The following PKIG variants were observed in gnomAD, a reference collection of about 807,000 sequenced individuals.
PKIG encodes the protein cAMP-dependent protein kinase inhibitor gamma.
PKIG carries 1 observed loss-of-function variant against 6.8 expected under a neutral mutation model. The observed-to-expected ratio is 0.15, with a 90% CI of 0.05 to 0.69. PKIG has a LOEUF of 0.69. Among genes scored for constraint, PKIG ranks in the 30% least tolerant of loss-of-function variants. PKIG has a pLI of 0.82. For synonymous variants in PKIG, 39 were observed against 43.0 expected, an observed-to-expected ratio of 0.91 and a Z score of 0.36; for missense variants, 77 against 104.0, an observed-to-expected ratio of 0.74 and a Z score of 1.13.
At chr20:44,584,772 T>C (rs918924346) in intron 1 of PKIG, among the ~76,000 whole-genome samples, 135 of 150,002 alleles carry the variant, frequency 9.0e-4, no homozygotes, top group African/African-American at 3.2e-3. Flanking sequence ...CAGGCTGGAG[T>C]GCAATGGTGC....
At chr20:44,535,173 A>G (rs1393151775) in intron 1 of PKIG, among the ~76,000 whole-genome samples, 1 of 152,234 alleles carries the variant, frequency 6.6e-6, no homozygotes, top group East Asian at 1.9e-4. Context: ...TACCCAGCTT[A>G]GCCACACAGA....
chr20:44,533,115 T>C (rs1030176678), intron 1 of PKIG, among the ~76,000 whole-genome samples: 1 of 152,202 alleles, frequency 6.6e-6, no homozygotes, highest in Non-Finnish European at 1.5e-5. Context: ...CTTGGTCTTA[T>C]CATTCCTCCC....
At chr20:44,609,931 T>C (rs933223807) in intron 2 of PKIG, among the ~76,000 whole-genome samples, 1 of 152,218 alleles carries the variant, frequency 6.6e-6, no homozygotes, top group Admixed American at 6.5e-5. Context: ...TACCTTTCCT[T>C]ATCGTAGGAA....
chr20:44,540,796 GA>G (rs2064554749), intron 1 of PKIG, among the ~76,000 whole-genome samples: 1 of 152,050 alleles, frequency 6.6e-6, no homozygotes, highest in African/African-American at 2.4e-5. Flanking sequence ...TGGCCAGGCT[GA>G]TCTTGAACTC....
chr20:44,551,989 A>G (rs2064673018), intron 1 of PKIG, among the ~76,000 whole-genome samples: 1 of 152,214 alleles, frequency 6.6e-6, no homozygotes. Flanking sequence ...CGGCTAGGAA[A>G]TATTCGTAAT....
chr20:44,543,070 C>G (rs1448696159), intron 1 of PKIG, among the ~76,000 whole-genome samples: 1 of 152,166 alleles, frequency 6.6e-6, no homozygotes, highest in Non-Finnish European at 1.5e-5. Context: ...GCCCTAGAGT[C>G]CTTTGGACAT....
chr20:44,614,462 G>A lies in PKIG; in HGVS notation c.-23-72G>A. The A allele has an allele frequency of 9.1e-7, 1 of 1,101,730 alleles. No individual in the cohort carries two copies. Among genetic ancestry groups the A allele is most frequent in the Non-Finnish European group, 1.3e-6 (1 of 750,024 alleles). 68.2% of individuals were successfully genotyped at this position (1,101,730 alleles called of 1,614,324 possible). On this transcript the variant is annotated intron_variant, in intron 2 of 3. Transcript: ENST00000372886. The surrounding 1 kb of genome is among the most constrained non-coding windows in gnomAD (Gnocchi z 4.6). ...CATTTTGACAGAAGCCACTGTGCTG[G>A]GGAACTGGAGCTGTCCTCTCTGCAG...
chr20:44,586,728 C>T (rs576942053), intron 1 of PKIG, among the ~76,000 whole-genome samples: 1 of 152,308 alleles, frequency 6.6e-6, no homozygotes, highest in East Asian at 1.9e-4. Flanking sequence ...AATCATGACC[C>T]TAGGCTGAGC....
At chr20:44,590,079 C>G in intron 2 of PKIG, among the ~76,000 whole-genome samples, 1 of 151,456 alleles carries the variant, frequency 6.6e-6, no homozygotes, top group South Asian at 2.1e-4. Flanking sequence ...TGTTTTCAGG[C>G]GTTTTTTTTT....
At chr20:44,544,724 A>T (rs545584553) in intron 1 of PKIG, among the ~76,000 whole-genome samples, 66 of 152,322 alleles carry the variant, frequency 4.3e-4, no homozygotes, top group African/African-American at 1.5e-3. Context: ...TCTTAGCTGT[A>T]CACATTGCCA....
chr20:44,546,459 A>G (rs1435520386), intron 1 of PKIG, among the ~76,000 whole-genome samples: 1 of 152,150 alleles, frequency 6.6e-6, no homozygotes, highest in Non-Finnish European at 1.5e-5. Flanking sequence ...ATCAATTGAA[A>G]TGAATATCAC....
At chr20:44,587,005 T>C (rs999575923) in intron 1 of PKIG, among the ~76,000 whole-genome samples, 5 of 152,336 alleles carry the variant, frequency 3.3e-5, no homozygotes, top group Non-Finnish European at 5.9e-5. Flanking sequence ...AAGTATTTGG[T>C]GTATTCTTAC....
At chr20:44,551,974 G>T (rs2425648) in intron 1 of PKIG, among the ~76,000 whole-genome samples, 36,528 of 152,034 alleles carry the variant, frequency 0.24, 5,891 homozygotes, top group African/African-American at 0.46. Flanking sequence ...CCCGTGTATT[G>T]GAATCGGCTA....
chr20:44,618,784 G>A lies in PKIG; in HGVS notation c.*420G>A, dbSNP rs2065295927. 3 of 161,552 alleles carry A rather than the reference G, an allele frequency of 1.9e-5. No homozygotes were observed. The South Asian group carries it at 5.2e-4, about 28-fold the overall frequency. 10.0% of individuals were successfully genotyped at this position (161,552 alleles called of 1,614,324 possible). A position where few individuals can be genotyped will look rare whatever the true frequency, so the allele number is the denominator to read the frequency against. Reference sequence around the variant, plus strand: ...TCCAGACCTGCTTGTCCCTTTTTTAGAAAACACTTTTAAACTTTTTAAAAA... The same window carrying A: ...TCCAGACCTGCTTGTCCCTTTTTTAAAAAACACTTTTAAACTTTTTAAAAA... On this transcript the variant is annotated 3_prime_UTR_variant, in exon 4 of 4. Transcript: ENST00000372886.
chr20:44,588,268 G>A (rs2065006351), intron 1 of PKIG, among the ~76,000 whole-genome samples: 1 of 152,222 alleles, frequency 6.6e-6, no homozygotes, highest in Non-Finnish European at 1.5e-5. Context: ...AAGCACAAAT[G>A]GTGGCGTTAA....
At chr20:44,535,051 A>G (rs1018729144) in intron 1 of PKIG, among the ~76,000 whole-genome samples, 1 of 152,262 alleles carries the variant, frequency 6.6e-6, no homozygotes, top group Admixed American at 6.5e-5. Flanking sequence ...CAGTTATAAG[A>G]TAGACAAAAA....
At chr20:44,552,816 C>A (rs898379968) in intron 1 of PKIG, among the ~76,000 whole-genome samples, 1 of 152,006 alleles carries the variant, frequency 6.6e-6, no homozygotes, top group African/African-American at 2.4e-5. Context: ...CTTGAGTGGG[C>A]AGTGGAAGCA....
At chr20:44,562,152 G>C (rs1158655428) in intron 1 of PKIG, among the ~76,000 whole-genome samples, 1 of 151,878 alleles carries the variant, frequency 6.6e-6, no homozygotes, top group Non-Finnish European at 1.5e-5. Context: ...GGGAAAGAAA[G>C]AATGAAAAGA....
At chr20:44,565,552 A>G (rs2064803362) in intron 1 of PKIG, among the ~76,000 whole-genome samples, 1 of 152,230 alleles carries the variant, frequency 6.6e-6, no homozygotes, top group Non-Finnish European at 1.5e-5. Flanking sequence ...AGCACTGGTG[A>G]CATCAGATAC....
Sources: allele counts gnomAD v4.1 joint callset (sites outside exome capture counted in the v4.1 genomes callset), GRCh38; gene constraint gnomAD v4.1.1; non-coding constraint Gnocchi (gnomAD v3.1); transcripts MANE v1.5; gene names NCBI Gene and HGNC (gene_info 2026-07-23, HGNC 2026-07-21).